The following LUZP2 variants were observed in gnomAD, a reference collection of about 807,000 sequenced individuals.
LUZP2 encodes the protein leucine zipper protein 2.
LUZP2 carries 52 observed loss-of-function variants against 51.6 expected under a neutral mutation model. The ratio of observed to expected loss-of-function variants is 1.01; its 90% CI spans 0.81 to 1.27. The LOEUF is 1.27. Among genes scored for constraint, LUZP2 ranks in the 50% most tolerant of loss-of-function variants. The pLI is 0.00. For missense variants in LUZP2, 436 were observed against 395.4 expected, an observed-to-expected ratio of 1.10 and a Z score of -0.87; for synonymous variants, 154 against 137.3, an observed-to-expected ratio of 1.12 and a Z score of -0.85.
At chr11:24,812,766 T>C (rs1347691120) in intron 5 of LUZP2, among the ~76,000 whole-genome samples, 4 of 152,180 alleles carry the variant, frequency 2.6e-5, no homozygotes, top group Non-Finnish European at 2.9e-5. Flanking sequence ...AAATGATATA[T>C]TGTTGCCTAA....
At chr11:24,918,191 C>G (rs1331219901) in intron 7 of LUZP2, among the ~76,000 whole-genome samples, 1 of 152,036 alleles carries the variant, frequency 6.6e-6, no homozygotes, top group Non-Finnish European at 1.5e-5. Context: ...ATTTTGCATC[C>G]TGAGACTTTG....
chr11:24,587,640 C>T (rs1166344298), intron 1 of LUZP2, among the ~76,000 whole-genome samples: 1 of 152,046 alleles, frequency 6.6e-6, no homozygotes. Flanking sequence ...TTTGAAAACT[C>T]AAAACATCTT....
chr11:24,555,582 A>G (rs775612471), intron 1 of LUZP2, among the ~76,000 whole-genome samples: 1 of 152,174 alleles, frequency 6.6e-6, no homozygotes, highest in East Asian at 1.9e-4. Context: ...GCACCTAATT[A>G]CACAGAAGGA....
intron 5 of LUZP2, among the ~76,000 whole-genome samples, chr11:24,771,885 C>T (rs576323910): frequency 2.6e-5 from 4 of 152,232 alleles, no homozygotes; most frequent in African/African-American, 2.4e-5. Context: ...CTTTGCTCCT[C>T]GTTCACCTAC....
At chr11:24,576,618 G>A (rs1051869453) in intron 1 of LUZP2, among the ~76,000 whole-genome samples, 4 of 151,844 alleles carry the variant, frequency 2.6e-5, no homozygotes, top group Non-Finnish European at 5.9e-5. Context: ...AGACAGTGCC[G>A]AATTGCCAAT....
In LUZP2 at chr11:24,748,856, G is replaced by T. The variant is rs186139224; in HGVS notation, c.333+10554G>T. 2.5e-3 allele frequency among the ~76,000 whole-genome samples: 374 copies of T among 152,260 alleles called. 1 individual carries two copies. The highest frequency in any genetic ancestry group is 4.4e-3 in the Non-Finnish European group (301 of 68,020). On this transcript the variant is annotated intron_variant, in intron 4 of 11. Transcript: ENST00000336930. ...TACACATACGTAAGGGAATATTTGT[G>T]TGTGATTTTGCGTGAGGAAAATGAG...
rs2133858447 is a variant in LUZP2 at position 24,599,193 on chromosome 11, G to A, written c.62+101888G>A. Among the ~76,000 whole-genome samples, 2 of 152,194 alleles carry A rather than the reference G, an allele frequency of 1.3e-5. 1 individual carries two copies. Among genetic ancestry groups the A allele is most frequent in the Middle Eastern group, 6.8e-3 (2 of 294 alleles). On this transcript the variant is annotated intron_variant, in intron 1 of 11. Coordinates refer to ENST00000336930, the MANE Select transcript of LUZP2 (RefSeq NM_001009909.4). ...CATGCTTTAGGTCTTGAGGCACTTA[G>A]GTTTAAGAAAAGATGCTGAAAAAGA...
chr11:24,615,552 GAT>G (rs747116628), intron 1 of LUZP2, among the ~76,000 whole-genome samples: 2 of 151,924 alleles, frequency 1.3e-5, no homozygotes, highest in African/African-American at 2.4e-5. Flanking sequence ...TCTGTTGAAA[GAT>G]ATATGTTTTC....
intron 1 of LUZP2, among the ~76,000 whole-genome samples, chr11:24,698,535 C>G (rs1480379971): frequency 2.0e-5 from 3 of 152,138 alleles, no homozygotes; most frequent in African/African-American, 7.2e-5. Flanking sequence ...TTAAAATATT[C>G]ATTGAAAGCT....
At chr11:25,076,737 T>TA (rs1314182125) in intron 10 of LUZP2, among the ~76,000 whole-genome samples, 1 of 101,688 alleles carries the variant, frequency 9.8e-6, no homozygotes, top group Admixed American at 1.4e-4. Context: ...GGAATCCTTT[T>TA]TTTTTTTTTT....
intron 5 of LUZP2, among the ~76,000 whole-genome samples, chr11:24,903,886 G>T (rs1471241925): frequency 6.6e-6 from 1 of 152,170 alleles, no homozygotes; most frequent in Non-Finnish European, 1.5e-5. Context: ...ACAGATCTGT[G>T]TATACTCATT....
At chr11:24,541,000 C>A (rs1446859644) in intron 1 of LUZP2, among the ~76,000 whole-genome samples, 2 of 152,012 alleles carry the variant, frequency 1.3e-5, no homozygotes, top group African/African-American at 4.8e-5. Flanking sequence ...CCTCTGTAAT[C>A]CCAGCAGTTT....
intron 1 of LUZP2, among the ~76,000 whole-genome samples, chr11:24,549,062 T>TA (rs1408183736): frequency 6.6e-6 from 1 of 152,158 alleles, no homozygotes; most frequent in Admixed American, 6.6e-5. Flanking sequence ...TAACTTTTTT[T>TA]ACTCTATACA....
intron 1 of LUZP2, among the ~76,000 whole-genome samples, chr11:24,574,142 T>G (rs1852529762): frequency 6.6e-6 from 1 of 151,450 alleles, no homozygotes; most frequent in African/African-American, 2.4e-5. Flanking sequence ...TCTCTTTCTT[T>G]CCTTCCTTCT....
intron 2 of LUZP2, 62 bp downstream of exon 2, chr11:24,729,348 G>A: frequency 1.2e-6 from 1 of 819,256 alleles, no homozygotes; most frequent in Admixed American, 2.5e-5. Context: ...TTTCTGAGTG[G>A]ATTGACATGC....
intron 2 of LUZP2, among the ~76,000 whole-genome samples, chr11:24,731,794 T>C (rs1389789013): frequency 1.3e-5 from 2 of 151,808 alleles, no homozygotes; most frequent in African/African-American, 2.4e-5. Flanking sequence ...CTAACTTGCC[T>C]GCAGAGAACA....
At chr11:24,596,619 A>G (rs780184474) in intron 1 of LUZP2, among the ~76,000 whole-genome samples, 1 of 152,166 alleles carries the variant, frequency 6.6e-6, no homozygotes, top group Non-Finnish European at 1.5e-5. Context: ...GCCTAAAATG[A>G]CATCTAGATA....
chr11:24,944,820 C>A (rs1431335189), intron 7 of LUZP2, among the ~76,000 whole-genome samples: 2 of 152,196 alleles, frequency 1.3e-5, no homozygotes, highest in Non-Finnish European at 2.9e-5. Flanking sequence ...AGCTGAAAGA[C>A]ATGCCTAAGT....
chr11:25,069,109 T>C (rs1411180681), intron 10 of LUZP2, among the ~76,000 whole-genome samples: 2 of 151,972 alleles, frequency 1.3e-5, no homozygotes, highest in East Asian at 3.9e-4. Context: ...ATGAGAAACG[T>C]TTTTTGGTTT....
Sources: gnomAD v4.1 joint callset for allele counts (sites outside exome capture counted in the v4.1 genomes callset) on GRCh38, gnomAD v4.1.1 for gene constraint, MANE v1.5 for transcripts, NCBI Gene and HGNC (gene_info 2026-07-23, HGNC 2026-07-21) for gene names.